NPAS2: variants seen among roughly 807,000 people sequenced by gnomAD.
NPAS2 encodes neuronal PAS domain-containing protein 2.
A neutral mutation model predicts 107.5 loss-of-function variants in NPAS2; 23 were observed. The ratio of observed to expected loss-of-function variants is 0.21; its 90% CI spans 0.15 to 0.30. The LOEUF (loss-of-function observed/expected upper bound fraction) is 0.30. NPAS2 is among the 10% of genes least tolerant of loss of function. The pLI is 1.00. For synonymous variants in NPAS2, 403 were observed against 417.5 expected (o/e 0.97, Z 0.42); for missense variants, 756 against 1,043.3 (o/e 0.72, Z 3.79).
chr2:100,926,095 G>A (rs1683542838), intron 3 of NPAS2, among the ~76,000 whole-genome samples: 1 of 152,100 alleles, frequency 6.6e-6, no homozygotes, highest in Admixed American at 6.5e-5. Context: ...TTTAGCATGT[G>A]TGAGTACTTC....
At chr2:100,878,560 A>T (rs761422198) in intron 1 of NPAS2, 7 of 985,330 alleles carry the variant, frequency 7.1e-6, no homozygotes, top group South Asian at 4.7e-5. Context: ...TTAACCGTCA[A>T]CTGAAATGGC....
At chr2:100,836,606 G>A (rs913120777) in intron 1 of NPAS2, among the ~76,000 whole-genome samples, 3 of 152,128 alleles carry the variant, frequency 2.0e-5, no homozygotes, top group African/African-American at 4.8e-5. Flanking sequence ...CGATTCAAGG[G>A]GTGCCTCCGA....
intron 7 of NPAS2, among the ~76,000 whole-genome samples, chr2:100,956,818 G>A (rs976758827): frequency 3.3e-5 from 5 of 152,216 alleles, no homozygotes; most frequent in African/African-American, 4.8e-5. Context: ...GGCTACCCGG[G>A]ATTTGTCAGG....
intron 3 of NPAS2, among the ~76,000 whole-genome samples, chr2:100,930,638 A>G (rs542615517): frequency 7.6e-4 from 116 of 152,160 alleles, no homozygotes; most frequent in African/African-American, 2.6e-3. Flanking sequence ...TTAATATGCT[A>G]TGAAATGAAC....
intron 15 of NPAS2, among the ~76,000 whole-genome samples, chr2:100,978,357 A>G (rs984896478): frequency 3.3e-5 from 5 of 152,148 alleles, no homozygotes; most frequent in Admixed American, 2.0e-4. Flanking sequence ...TTCTTTTAAC[A>G]GTCTCTGTTC....
At chr2:100,832,941 A>G (rs1165773616) in intron 1 of NPAS2, among the ~76,000 whole-genome samples, 1 of 152,034 alleles carries the variant, frequency 6.6e-6, no homozygotes, top group Non-Finnish European at 1.5e-5. Context: ...CCCATTTTGT[A>G]CTTCTTTGGG....
At position 100,820,733 on chromosome 2, in the gene NPAS2, C is replaced by T. The variant is rs1676023317; in HGVS notation, c.-23+319C>T. 6.6e-6 allele frequency among the ~76,000 whole-genome samples: 1 copy of T among 152,162 alleles called. No homozygotes were observed. The highest frequency in any genetic ancestry group is 1.5e-5 in the Non-Finnish European group (1 of 68,024). On this transcript the variant is annotated intron_variant, in intron 1 of 20. Transcript: ENST00000335681. This position sits in a 1 kb window ranked among gnomAD's most constrained non-coding sequence, Gnocchi z 5.6. ...CGGAATTTGGGGGTCCTCGGGGTGT[C>T]CGACAGGGTGGAGAAGGATCGTGCC...
intron 14 of NPAS2, 87 bp downstream of exon 14, chr2:100,975,654 A>G: frequency 1.0e-6 from 1 of 967,082 alleles, no homozygotes; most frequent in Non-Finnish European, 1.5e-6. Context: ...GCGTCTCCCC[A>G]GAGAATCCGT....
rs201453714 is a variant in NPAS2 at position 100,904,766 on chromosome 2, T to C, written c.12T>C (p.Asp4=). The C allele has an allele frequency of 6.2e-7, 1 of 1,606,880 alleles. No individual in the cohort carries two copies. The highest frequency in any genetic ancestry group is 1.1e-5 in the South Asian group (1 of 89,760). Residue 4 remains aspartate (D), a synonymous_variant, in exon 2 of 21, where the codon GAT becomes GAC. Coordinates refer to ENST00000335681, the MANE Select transcript of NPAS2 (RefSeq NM_002518.4). ...GCATAGAAAATCTAATGGATGAAGA[T>C]GAGAAAGACAGAGCCAAGAGGTAAG... The part of the protein sequence containing the change: MDE[D]EKDRAKRASR...
chr2:100,950,636 C>G (rs766599830), intron 7 of NPAS2, among the ~76,000 whole-genome samples: 3 of 152,194 alleles, frequency 2.0e-5, no homozygotes, highest in Non-Finnish European at 4.4e-5. Flanking sequence ...CAACTAGATG[C>G]TAAACCTTTA....
At chr2:100,969,704 A>G (rs911478332) in intron 11 of NPAS2, among the ~76,000 whole-genome samples, 59 of 152,054 alleles carry the variant, frequency 3.9e-4, no homozygotes, top group Admixed American at 8.5e-4. Flanking sequence ...TACTGGACAC[A>G]CCTAGATGGT....
chr2:100,838,224 C>CA (rs1227788000), intron 1 of NPAS2, among the ~76,000 whole-genome samples: 1 of 147,602 alleles, frequency 6.8e-6, no homozygotes, highest in East Asian at 2.0e-4. Context: ...TTATAATAAA[C>CA]ATTTAAGATT....
chr2:100,853,498 A>G (rs1678349458), intron 1 of NPAS2, among the ~76,000 whole-genome samples: 1 of 152,190 alleles, frequency 6.6e-6, no homozygotes, highest in Non-Finnish European at 1.5e-5. Context: ...AATCTCATGC[A>G]TGGACAGAGG....
At chr2:100,901,003 C>T (rs7585886) in intron 1 of NPAS2, among the ~76,000 whole-genome samples, 9,729 of 152,128 alleles carry the variant, frequency 0.064, 940 homozygotes, top group African/African-American at 0.2. Context: ...GCTGGGATTA[C>T]AGGCATGAAG....
At chr2:100,894,298 C>T (rs1212355984) in intron 1 of NPAS2, among the ~76,000 whole-genome samples, 1 of 152,210 alleles carries the variant, frequency 6.6e-6, no homozygotes, top group African/African-American at 2.4e-5. Context: ...AGTCATTTCA[C>T]CTGATAGTCA....
intron 1 of NPAS2, among the ~76,000 whole-genome samples, chr2:100,838,885 T>C (rs1202545394): frequency 2.6e-5 from 4 of 152,130 alleles, no homozygotes; most frequent in Admixed American, 1.3e-4. Context: ...TTTAGAAATA[T>C]ATATTAAATA....
intron 1 of NPAS2, among the ~76,000 whole-genome samples, chr2:100,903,750 C>T (rs1681949487): frequency 6.6e-6 from 1 of 152,094 alleles, no homozygotes; most frequent in African/African-American, 2.4e-5. Flanking sequence ...CTCCCACTCC[C>T]ACAGCTGGCA....
chr2:100,968,994 C>T lies in NPAS2; in HGVS notation c.1055+566C>T, dbSNP rs940075916. ...GCGGGTGAGCAGGACTTTAAAGAGA[C>T]GCGGCATGCCCAGGGTTTCATAGAT... is the stretch of plus-strand genomic sequence containing the variant. On this transcript the variant is annotated intron_variant, in intron 11 of 20. Coordinates refer to ENST00000335681, the MANE Select transcript of NPAS2 (RefSeq NM_002518.4). This position sits in a 1 kb window ranked among gnomAD's most constrained non-coding sequence, Gnocchi z 5.3. Among the ~76,000 whole-genome samples the T allele has an allele frequency of 1.3e-5, 2 of 152,110 alleles. No homozygotes were observed. Among genetic ancestry groups the T allele is most frequent in the African/African-American group, 2.4e-5 (1 of 41,428 alleles).
intron 1 of NPAS2, among the ~76,000 whole-genome samples, chr2:100,857,267 C>T (rs1291612853): frequency 6.8e-6 from 1 of 146,104 alleles, no homozygotes; most frequent in Admixed American, 7.0e-5. Context: ...CATTGCACTC[C>T]AGCCTGGGCG....
Sources: allele counts gnomAD v4.1 joint callset (sites outside exome capture counted in the v4.1 genomes callset), GRCh38; gene constraint gnomAD v4.1.1; non-coding constraint Gnocchi (gnomAD v3.1); transcripts MANE v1.5; gene names NCBI Gene and HGNC (gene_info 2026-07-23, HGNC 2026-07-21).